Variants in GUCY1A2 observed in about 807,000 individuals in gnomAD.
The protein encoded by GUCY1A2 is guanylate cyclase 1 soluble subunit alpha 2.
GUCY1A2 carries 27 observed loss-of-function variants against 63.5 expected under a neutral mutation model. The observed-to-expected ratio is 0.43, with a 90% CI of 0.31 to 0.59. The LOEUF (loss-of-function observed/expected upper bound fraction) is 0.59, where lower values mean the gene tolerates loss of function less well. GUCY1A2 is among the 20% of genes least tolerant of loss of function. GUCY1A2 has a pLI of 0.11. For missense variants in GUCY1A2, 768 were observed against 913.3 expected (o/e 0.84, Z 2.05); for synonymous variants, 364 against 343.5 (o/e 1.06, Z -0.66).
Position 106,797,094 on chromosome 11 carries a change from C to A in GUCY1A2, c.1692+12899G>T, listed in dbSNP as rs531994862. Among the ~76,000 whole-genome samples the A allele has an allele frequency of 2.6e-5, 4 of 152,268 alleles. No homozygotes were observed. The East Asian group carries it at 7.7e-4, about 29-fold the overall frequency. ...GCTACTGAAGCTTATGTGTTCATCACATAGTTCTCGTGCCATGGTTTTCTG... is the reference window on the plus strand; with the variant it reads ...GCTACTGAAGCTTATGTGTTCATCAAATAGTTCTCGTGCCATGGTTTTCTG... On this transcript the variant is annotated intron_variant, in intron 5 of 7. Transcript: ENST00000526355.
chr11:106,677,090 G>C lies in GUCY1A2; in HGVS notation c.*10459C>G. 4.7e-6 allele frequency: 1 copy of C among 214,132 alleles called. No homozygotes were observed. Among genetic ancestry groups the C allele is most frequent in the Non-Finnish European group, 9.4e-6 (1 of 105,834 alleles). The allele number at this position is 214,132 out of a possible 1,614,324, so 13.3% of individuals were successfully genotyped here. ...CCACAAAGTGTTCAATCATGTGAAA[G>C]TGAAAAAGGGAGGCTCCAGCCCAAA... On this transcript the variant is annotated 3_prime_UTR_variant, in exon 8 of 8. Transcript: ENST00000526355.
At chr11:106,752,823 T>A (rs1312578037) in intron 6 of GUCY1A2, among the ~76,000 whole-genome samples, 1 of 152,170 alleles carries the variant, frequency 6.6e-6, no homozygotes, top group East Asian at 1.9e-4. Flanking sequence ...TAAACATACG[T>A]GTGCATATGT....
At position 106,823,882 on chromosome 11, in the gene GUCY1A2, G is replaced by T. The variant is rs556910076; in HGVS notation, c.1207-13404C>A. Reference sequence around the variant, plus strand: ...CTATTTCTTCTTTTGAGAAATGTTTGTTCATGTCCTTTGCCCACTTTTTTT... The same window carrying T: ...CTATTTCTTCTTTTGAGAAATGTTTTTTCATGTCCTTTGCCCACTTTTTTT... On this transcript the variant is annotated intron_variant, in intron 4 of 7. Transcript: ENST00000526355. 666 of 316,580 alleles carry T rather than the reference G, an allele frequency of 2.1e-3. 2 individuals carry two copies. The highest frequency in any genetic ancestry group is 0.014 in the African/African-American group (627 of 45,784). The allele number at this position is 316,580 out of a possible 1,614,324, so 19.6% of individuals were successfully genotyped here.
chr11:106,898,041 A>T (rs111945798), intron 4 of GUCY1A2, among the ~76,000 whole-genome samples: 1 of 152,148 alleles, frequency 6.6e-6, no homozygotes, highest in South Asian at 2.1e-4. Flanking sequence ...CAAATATCTT[A>T]AAAAATACCT....
intron 5 of GUCY1A2, among the ~76,000 whole-genome samples, chr11:106,778,058 T>C (rs1035172901): frequency 1.3e-5 from 2 of 152,134 alleles, no homozygotes; most frequent in Non-Finnish European, 2.9e-5. Flanking sequence ...GCATAGAACA[T>C]GGAATAAAAG....
At chr11:107,011,070 CAAGTTAAACAT>C (rs1242272196) in intron 1 of GUCY1A2, among the ~76,000 whole-genome samples, 2 of 152,124 alleles carry the variant, frequency 1.3e-5, no homozygotes, top group African/African-American at 4.8e-5. Context: ...ATGCTAAACA[CAAGTTAAACAT>C]AAGAATATCA....
intron 1 of GUCY1A2, among the ~76,000 whole-genome samples, chr11:106,997,055 T>C (rs1322959965): frequency 6.6e-6 from 1 of 152,106 alleles, no homozygotes; most frequent in Non-Finnish European, 1.5e-5. Context: ...ACATAAAAAG[T>C]CTTTTTTAGT....
chr11:106,759,744 C>A (rs1435042484), intron 6 of GUCY1A2, among the ~76,000 whole-genome samples: 3 of 152,070 alleles, frequency 2.0e-5, no homozygotes, highest in Non-Finnish European at 4.4e-5. Context: ...GACCAGCCTG[C>A]CCAACGTGGC....
chr11:106,882,554 A>G (rs1859839303), intron 4 of GUCY1A2, among the ~76,000 whole-genome samples: 1 of 151,996 alleles, frequency 6.6e-6, no homozygotes, highest in Non-Finnish European at 1.5e-5. Flanking sequence ...CATGTATTAG[A>G]AGATTTAAAA....
intron 3 of GUCY1A2, 62 bp downstream of exon 3, chr11:106,978,557 C>T: frequency 8.8e-7 from 1 of 1,140,672 alleles, no homozygotes; most frequent in South Asian, 1.5e-5. Context: ...GAAACACTTC[C>T]ACCTCGACTT....
At chr11:106,965,954 G>A (rs988506172) in intron 3 of GUCY1A2, among the ~76,000 whole-genome samples, 1 of 151,376 alleles carries the variant, frequency 6.6e-6, no homozygotes, top group African/African-American at 2.4e-5. Context: ...CATTTCTGGA[G>A]CTCTAAATCC....
At chr11:106,974,151 G>A (rs1038581528) in intron 3 of GUCY1A2, among the ~76,000 whole-genome samples, 3 of 151,918 alleles carry the variant, frequency 2.0e-5, no homozygotes, top group African/African-American at 7.3e-5. Flanking sequence ...ATTCATTCTA[G>A]TAAAATACTG....
At chr11:106,749,251 G>A (rs151150071) in intron 6 of GUCY1A2, among the ~76,000 whole-genome samples, 1 of 152,126 alleles carries the variant, frequency 6.6e-6, no homozygotes, top group East Asian at 1.9e-4. Flanking sequence ...ATCATTTAAT[G>A]ATTCATTTCT....
At chr11:106,899,221 A>C (rs1860092626) in intron 4 of GUCY1A2, among the ~76,000 whole-genome samples, 1 of 152,212 alleles carries the variant, frequency 6.6e-6, no homozygotes, top group African/African-American at 2.4e-5. Context: ...CAACCAAACA[A>C]AAAACACGAT....
At chr11:106,744,506 T>G (rs1863753239) in intron 6 of GUCY1A2, among the ~76,000 whole-genome samples, 1 of 152,188 alleles carries the variant, frequency 6.6e-6, no homozygotes, top group Non-Finnish European at 1.5e-5. Context: ...AATTTAACTT[T>G]TATCTTGTAC....
intron 4 of GUCY1A2, among the ~76,000 whole-genome samples, chr11:106,923,319 C>T (rs1279735186): frequency 6.6e-6 from 1 of 152,170 alleles, no homozygotes; most frequent in Non-Finnish European, 1.5e-5. Context: ...ATTACAAAAT[C>T]CTTAGATCGC....
At position 106,678,189 on chromosome 11, in the gene GUCY1A2, G is replaced by A. The variant is rs1862377277; in HGVS notation, c.*9360C>T. ...CCTCTAGTTTATCTAGACCTTCTTG[G>A]CTAGAGTTTGATCTACCATCAGAAA... On this transcript the variant is annotated 3_prime_UTR_variant, in exon 8 of 8. Coordinates refer to ENST00000526355, the MANE Select transcript of GUCY1A2 (RefSeq NM_000855.3). 5.1e-6 allele frequency: 1 copy of A among 197,544 alleles called. No individual in the cohort carries two copies. The highest frequency in any genetic ancestry group is 2.3e-5 in the African/African-American group (1 of 43,320). 12.2% of individuals were successfully genotyped at this position (197,544 alleles called of 1,614,324 possible).
chr11:106,753,898 A>G (rs975219415), intron 6 of GUCY1A2, among the ~76,000 whole-genome samples: 1 of 152,234 alleles, frequency 6.6e-6, no homozygotes, highest in Non-Finnish European at 1.5e-5. Flanking sequence ...GAAGAAAGTC[A>G]GTGGTAGCTT....
In GUCY1A2 at chr11:106,674,321, T is replaced by G. The variant is rs1384202905; in HGVS notation, c.*13228A>C. 1 of 180,358 alleles carries G rather than the reference T, an allele frequency of 5.5e-6. No homozygotes were observed. The highest frequency in any genetic ancestry group is 1.2e-5 in the Non-Finnish European group (1 of 84,348). 11.2% of individuals were successfully genotyped at this position (180,358 alleles called of 1,614,324 possible). The stretch of plus-strand genomic sequence containing the variant: ...TAAAAGAATGAGTAAAAAGTGGTGT[T>G]ACATGAAAATCAAAGAAGATATTGT... On this transcript the variant is annotated 3_prime_UTR_variant, in exon 8 of 8. Coordinates refer to ENST00000526355, the MANE Select transcript of GUCY1A2 (RefSeq NM_000855.3).
Sources: allele counts gnomAD v4.1 joint callset (sites outside exome capture counted in the v4.1 genomes callset), GRCh38; gene constraint gnomAD v4.1.1; transcripts MANE v1.5; gene names NCBI Gene and HGNC (gene_info 2026-07-23, HGNC 2026-07-21).